The following LPIN2 variants were observed in gnomAD, a reference collection of about 807,000 sequenced individuals.
LPIN2 encodes the protein phosphatidate phosphatase LPIN2.
Under a neutral mutation model 111.4 loss-of-function variants are expected in LPIN2, and 55 were observed. That is an observed-to-expected ratio of 0.49 (90% CI 0.40 to 0.62). LPIN2 has a LOEUF of 0.62. LPIN2 is among the 20% of genes least tolerant of loss of function. LPIN2 has a pLI of 0.00. For synonymous variants in LPIN2, 425 were observed against 414.0 expected (o/e 1.03, Z -0.32); for missense variants, 992 against 1,112.1 (o/e 0.89, Z 1.54).
intron 10 of LPIN2, 49 bp from the exon 11 acceptor site, chr18:2,928,709 AAG>A (rs767600067): frequency 4.3e-6 from 6 of 1,396,576 alleles, no homozygotes; most frequent in African/African-American, 4.2e-5. Flanking sequence ...GAAAGTGAGC[AAG>A]AGAGAGGGGA....
chr18:2,954,960 CAA>C (rs2077586467), intron 2 of LPIN2, among the ~76,000 whole-genome samples: 2 of 152,144 alleles, frequency 1.3e-5, no homozygotes, highest in Admixed American at 6.6e-5. Context: ...CAGATACACA[CAA>C]GTTTCAGGAA....
Position 2,938,092 on chromosome 18 carries a change from T to G in LPIN2, c.823-55A>C. ...ACTACTTTCAGAGTATTTGTTATAA[T>G]CTATTTCCTAAGCTGGCAATGTGTT... On this transcript the variant is annotated intron_variant, in intron 6 of 19. Transcript: ENST00000677752. 4 of 1,364,774 alleles carry G rather than the reference T, an allele frequency of 2.9e-6. No homozygotes were observed. The South Asian group carries it at 4.7e-5, about 16-fold the overall frequency. 84.5% of individuals were successfully genotyped at this position (1,364,774 alleles called of 1,614,324 possible). A position where few individuals can be genotyped will look rare whatever the true frequency, so the allele number is the denominator to read the frequency against.
At chr18:2,920,539 G>C (rs1366321919) in intron 19 of LPIN2, 102 bp from the exon 20 acceptor site, 2 of 1,336,930 alleles carry the variant, frequency 1.5e-6, no homozygotes, top group Non-Finnish European at 1.1e-6. Flanking sequence ...GCTCAGGTGG[G>C]CAGGTTCAGA....
chr18:2,997,537 C>T (rs377601552), intron 1 of LPIN2, among the ~76,000 whole-genome samples: 1 of 152,212 alleles, frequency 6.6e-6, no homozygotes, highest in East Asian at 1.9e-4. Flanking sequence ...ATGCCTATAA[C>T]TCTGCAGTGT....
intron 1 of LPIN2, among the ~76,000 whole-genome samples, chr18:2,969,482 T>C (rs2077867480): frequency 6.6e-6 from 1 of 152,208 alleles, no homozygotes. Context: ...ACTCTGTCTT[T>C]CTAAATCAGA....
intron 1 of LPIN2, among the ~76,000 whole-genome samples, chr18:2,964,302 A>AG (rs1315191749): frequency 2.6e-5 from 4 of 151,166 alleles, no homozygotes; most frequent in East Asian, 1.9e-4. Flanking sequence ...AAAAAAAAAA[A>AG]AAAGAAATGA....
At chr18:2,992,660 G>A (rs547021463) in intron 1 of LPIN2, among the ~76,000 whole-genome samples, 1 of 152,160 alleles carries the variant, frequency 6.6e-6, no homozygotes, top group African/African-American at 2.4e-5. Flanking sequence ...GACCAGCCTG[G>A]GCAATACAGT....
intron 5 of LPIN2, 66 bp downstream of exon 5, chr18:2,940,539 A>G: frequency 2.1e-6 from 2 of 932,388 alleles, no homozygotes; most frequent in Non-Finnish European, 3.5e-6. Context: ...CTACAGATTA[A>G]CAGAAAAGCT....
At position 2,937,799 on chromosome 18, in the gene LPIN2, T is replaced by C. The variant is rs779638735; in HGVS notation, c.1061A>G (p.Gln354Arg). 2 of 1,614,156 alleles carry C rather than the reference T, an allele frequency of 1.2e-6. No homozygotes were observed. The highest frequency in any genetic ancestry group is 2.2e-5 in the East Asian group (1 of 44,876). The change falls in exon 7 of 20, where the codon CAG becomes CGG. Residue 354 changes from glutamine (Q) to arginine (R), a missense_variant. Gln to Arg is a conservative substitution (Grantham distance 43). This residue lies in a region of LPIN2 where 709 missense variants were observed against 753.2 expected (regional missense o/e 0.94). Transcript: ENST00000677752. ...GTCAGCATCTAACATAGATGAAATCTGAGTACTCTCAAGAGGAGGTTCGAG... is the reference window on the plus strand; with the variant it reads ...GTCAGCATCTAACATAGATGAAATCCGAGTACTCTCAAGAGGAGGTTCGAG... ...ELLEPPLEST[Q>R]ISSMLDADHL... is the part of the protein sequence containing the mutation.
intron 17 of LPIN2, 148 bp downstream of exon 17, chr18:2,921,899 G>T: frequency 8.6e-7 from 1 of 1,157,400 alleles, no homozygotes; most frequent in Non-Finnish European, 1.2e-6. Flanking sequence ...TGAGCAGTAT[G>T]TGGTAGGACA....
chr18:2,994,342 T>C (rs1350278452), intron 1 of LPIN2, among the ~76,000 whole-genome samples: 1 of 152,240 alleles, frequency 6.6e-6, no homozygotes, highest in Non-Finnish European at 1.5e-5. Flanking sequence ...CCCAGACCTG[T>C]GCCCTGGTCA....
At position 2,951,202 on chromosome 18, in the gene LPIN2, G is replaced by C; in HGVS notation, c.443C>G (p.Thr148Ser). The C allele has an allele frequency of 6.2e-7, 1 of 1,614,080 alleles. No individual in the cohort carries two copies. The highest frequency in any genetic ancestry group is 1.1e-5 in the South Asian group (1 of 91,076). Residue 148 changes from threonine (T) to serine (S), a missense_variant, in exon 4 of 20, where the codon ACT becomes AGT. Around this residue, in one of 4 missense-constraint regions of LPIN2, gnomAD observed 709 missense variants for 753.2 expected, o/e 0.94. Coordinates refer to ENST00000677752, the MANE Select transcript of LPIN2 (RefSeq NM_001375808.2). Reference sequence around the variant, plus strand: ...TTTTTTCTTTTTCACAGAACTTGGAGTAAAAATTGTCTCTGTTTCCAAGAC... The same window carrying C: ...TTTTTTCTTTTTCACAGAACTTGGACTAAAAATTGTCTCTGTTTCCAAGAC... ...SHVLETETIFTPSSVKKKKRR... is the reference protein window; with the variant it reads ...SHVLETETIFSPSSVKKKKRR...
At chr18:2,929,767 ATGG>A (rs1163920515) in intron 9 of LPIN2, among the ~76,000 whole-genome samples, 2 of 152,236 alleles carry the variant, frequency 1.3e-5, no homozygotes, top group East Asian at 3.9e-4. Flanking sequence ...TAAGGCGGGT[ATGG>A]TGGTGCCAAC....
intron 1 of LPIN2, among the ~76,000 whole-genome samples, chr18:3,008,334 C>T (rs1598618603): frequency 6.6e-6 from 1 of 152,274 alleles, no homozygotes; most frequent in Admixed American, 6.5e-5. Flanking sequence ...CCCAGCTACT[C>T]GGGAGTCCGA....
At chr18:2,927,952 T>C in intron 11 of LPIN2, 141 bp from the exon 12 acceptor site, 1 of 759,740 alleles carries the variant, frequency 1.3e-6, no homozygotes, top group South Asian at 1.4e-5. Context: ...CAGATTCCTC[T>C]AGCGTTTTTA....
At chr18:2,979,248 GTT>G (rs2078069170) in intron 1 of LPIN2, 1 of 152,256 alleles carries the variant, frequency 6.6e-6, no homozygotes, top group Non-Finnish European at 1.5e-5. Context: ...ACTAAGGTGT[GTT>G]TTCCCAATGC....
intron 1 of LPIN2, among the ~76,000 whole-genome samples, chr18:2,973,276 T>G (rs1308870292): frequency 6.6e-6 from 1 of 152,212 alleles, no homozygotes; most frequent in Non-Finnish European, 1.5e-5. Context: ...GACCACACAT[T>G]GCTGTAGCCA....
At chr18:2,927,575 C>A (rs759786402) in intron 12 of LPIN2, 147 bp downstream of exon 12, 457 of 753,136 alleles carry the variant, frequency 6.1e-4, no homozygotes, top group Non-Finnish European at 9.1e-4. Context: ...AACACCTGCA[C>A]GTCCTAAGTG....
intron 7 of LPIN2, 139 bp from the exon 8 acceptor site, chr18:2,934,589 T>C (rs1055038121): frequency 1.0e-5 from 7 of 668,806 alleles, no homozygotes; most frequent in Non-Finnish European, 1.9e-5. Context: ...TCAACCAGCC[T>C]TTTTACTTAG....
Sources: gnomAD v4.1 joint callset for allele counts (sites outside exome capture counted in the v4.1 genomes callset) on GRCh38, gnomAD v4.1.1 for gene constraint, gnomAD v4.1.1 regional missense constraint, MANE v1.5 for transcripts, NCBI Gene and HGNC (gene_info 2026-07-23, HGNC 2026-07-21) for gene names.